Variants in CHSY3 observed in about 807,000 individuals in gnomAD.
CHSY3 encodes the protein chondroitin sulfate synthase 3, also known as N-acetylgalactosaminyl-proteoglycan 3-beta-glucuronosyltransferase 3.
CHSY3 carries 35 observed loss-of-function variants against 67.2 expected under a neutral mutation model. The ratio of observed to expected loss-of-function variants is 0.52; its 90% CI spans 0.40 to 0.69. CHSY3 has a LOEUF of 0.69. Ranked by LOEUF, CHSY3 falls within the 30% of genes least tolerant of loss-of-function variation. The pLI is 0.00. For synonymous variants in CHSY3, 474 were observed against 434.7 expected, an observed-to-expected ratio of 1.09 and a Z score of -1.12; for missense variants, 1,069 against 1,138.5, an observed-to-expected ratio of 0.94 and a Z score of 0.88.
At chr5:130,023,229 C>T (rs1764443054) in intron 2 of CHSY3, among the ~76,000 whole-genome samples, 1 of 151,440 alleles carries the variant, frequency 6.6e-6, no homozygotes. Context: ...GTTTTCCCTA[C>T]AGGAAGGAAA....
At chr5:130,110,552 G>T (rs1322885913) in intron 2 of CHSY3, among the ~76,000 whole-genome samples, 1 of 151,978 alleles carries the variant, frequency 6.6e-6, no homozygotes, top group East Asian at 1.9e-4. Flanking sequence ...TGTGCTGACA[G>T]TATGTGAAGC....
At chr5:130,164,960 A>G (rs1246359500) in intron 2 of CHSY3, among the ~76,000 whole-genome samples, 1 of 152,154 alleles carries the variant, frequency 6.6e-6, no homozygotes, top group African/African-American at 2.4e-5. Flanking sequence ...AAGTAGAAAA[A>G]AAAGACATAT....
chr5:129,997,755 G>T (rs1212383623), intron 2 of CHSY3, among the ~76,000 whole-genome samples: 1 of 152,086 alleles, frequency 6.6e-6, no homozygotes, highest in African/African-American at 2.4e-5. Context: ...AGAACATGCG[G>T]TGTTTGATTT....
intron 2 of CHSY3, among the ~76,000 whole-genome samples, chr5:130,144,769 A>G (rs1446401789): frequency 2.0e-5 from 3 of 152,226 alleles, no homozygotes; most frequent in Non-Finnish European, 4.4e-5. Flanking sequence ...GTACAAAGCT[A>G]TAGTAACCAA....
intron 2 of CHSY3, among the ~76,000 whole-genome samples, chr5:129,967,992 C>A (rs1002071879): frequency 1.3e-5 from 2 of 151,678 alleles, no homozygotes; most frequent in Non-Finnish European, 2.9e-5. Flanking sequence ...ATAATAAAAT[C>A]TCTCTTCCCC....
At chr5:129,930,799 G>T (rs1447514086) in intron 2 of CHSY3, among the ~76,000 whole-genome samples, 1 of 152,120 alleles carries the variant, frequency 6.6e-6, no homozygotes, top group East Asian at 1.9e-4. Flanking sequence ...ACCACGAAAA[G>T]TATGAAGGAG....
At chr5:129,921,057 T>G (rs1209131047) in intron 2 of CHSY3, among the ~76,000 whole-genome samples, 1 of 152,210 alleles carries the variant, frequency 6.6e-6, no homozygotes, top group Non-Finnish European at 1.5e-5. Context: ...TGAGCTCAAG[T>G]GATCTGCCTG....
At chr5:130,164,073 C>T (rs1169655494) in intron 2 of CHSY3, among the ~76,000 whole-genome samples, 3 of 152,216 alleles carry the variant, frequency 2.0e-5, no homozygotes, top group African/African-American at 7.2e-5. Context: ...GCAGAACTGC[C>T]GTGATTGAAG....
At chr5:130,071,540 TG>T (rs1561523288) in intron 2 of CHSY3, among the ~76,000 whole-genome samples, 6 of 106,046 alleles carry the variant, frequency 5.7e-5, no homozygotes, top group African/African-American at 2.6e-4. Flanking sequence ...TAGTTCATTG[TG>T]TGTGTGTGTG....
intron 2 of CHSY3, among the ~76,000 whole-genome samples, chr5:130,021,786 T>G (rs928868187): frequency 6.6e-6 from 1 of 152,156 alleles, no homozygotes; most frequent in African/African-American, 2.4e-5. Flanking sequence ...GGAGCAAATA[T>G]GTGATATTTT....
At chr5:129,985,030 G>C (rs185431833) in intron 2 of CHSY3, among the ~76,000 whole-genome samples, 10 of 152,112 alleles carry the variant, frequency 6.6e-5, no homozygotes, top group African/African-American at 2.4e-4. Context: ...GTTTAATTAG[G>C]TCCCACTTGT....
chr5:129,921,886 T>G (rs1287591957), intron 2 of CHSY3, among the ~76,000 whole-genome samples: 1 of 152,148 alleles, frequency 6.6e-6, no homozygotes, highest in Non-Finnish European at 1.5e-5. Flanking sequence ...AAATATACGA[T>G]GAACTATTTT....
intron 2 of CHSY3, among the ~76,000 whole-genome samples, chr5:130,151,305 G>T (rs965234082): frequency 6.6e-6 from 1 of 152,200 alleles, no homozygotes; most frequent in South Asian, 2.1e-4. Flanking sequence ...GGCCCAAAAT[G>T]CCACTTTTGG....
intron 2 of CHSY3, among the ~76,000 whole-genome samples, chr5:129,993,013 T>C (rs1232537002): frequency 6.6e-6 from 1 of 152,162 alleles, no homozygotes; most frequent in African/African-American, 2.4e-5. Context: ...CAAACTTTTG[T>C]TCTGGTGGTT....
intron 2 of CHSY3, among the ~76,000 whole-genome samples, chr5:129,974,399 T>C (rs1336770546): frequency 6.6e-6 from 1 of 152,152 alleles, no homozygotes; most frequent in Non-Finnish European, 1.5e-5. Flanking sequence ...TAATTCCAAC[T>C]GTAATATATA....
At chr5:129,945,220 G>A (rs1761815061) in intron 2 of CHSY3, among the ~76,000 whole-genome samples, 2 of 152,212 alleles carry the variant, frequency 1.3e-5, no homozygotes, top group Admixed American at 1.3e-4. Context: ...TTGTAGTGAA[G>A]ATGGACATTA....
At chr5:130,112,108 G>T (rs1461960970) in intron 2 of CHSY3, among the ~76,000 whole-genome samples, 1 of 152,022 alleles carries the variant, frequency 6.6e-6, no homozygotes, top group Non-Finnish European at 1.5e-5. Flanking sequence ...CTGCATCTGT[G>T]TTTTTGGAAA....
At chr5:130,028,497 C>T (rs1402051963) in intron 2 of CHSY3, among the ~76,000 whole-genome samples, 1 of 152,180 alleles carries the variant, frequency 6.6e-6, no homozygotes, top group Non-Finnish European at 1.5e-5. Flanking sequence ...ACACCTTACA[C>T]AGAAGCATAC....
intron 2 of CHSY3, among the ~76,000 whole-genome samples, chr5:129,918,533 G>A (rs1220400412): frequency 6.6e-6 from 1 of 152,172 alleles, no homozygotes. Flanking sequence ...GGAAAGTACA[G>A]GATACACAGG....
Sources: allele counts gnomAD v4.1 joint callset (sites outside exome capture counted in the v4.1 genomes callset), GRCh38; gene constraint gnomAD v4.1.1; transcripts MANE v1.5; gene names NCBI Gene and HGNC (gene_info 2026-07-23, HGNC 2026-07-21).